GUCY1A2: variants seen among roughly 807,000 people sequenced by gnomAD.
GUCY1A2 encodes guanylate cyclase soluble subunit alpha-2.
A neutral mutation model predicts 63.5 loss-of-function variants in GUCY1A2; 27 were observed. The observed-to-expected ratio is 0.43, with a 90% confidence interval of 0.31 to 0.59. The LOEUF (loss-of-function observed/expected upper bound fraction) is 0.59, where lower values mean the gene tolerates loss of function less well. Ranked by LOEUF, GUCY1A2 falls within the 20% of genes least tolerant of loss-of-function variation. GUCY1A2 has a pLI of 0.11. For synonymous variants in GUCY1A2, 364 were observed against 343.5 expected, an observed-to-expected ratio of 1.06 and a Z score of -0.66; for missense variants, 768 against 913.3, an observed-to-expected ratio of 0.84 and a Z score of 2.05.
rs1862324754 is a variant in GUCY1A2 at position 106,675,211 on chromosome 11, T to C, written c.*12338A>G. On this transcript the variant is annotated 3_prime_UTR_variant, in exon 8 of 8. Coordinates refer to ENST00000526355, the MANE Select transcript of GUCY1A2 (RefSeq NM_000855.3). ...TGTCACTTAATTACCGAAGTTATAA[T>C]GTAGCTACAGGCAGCTGTTATAAAA... The C allele has an allele frequency of 4.9e-6, 1 of 205,844 alleles. No homozygotes were observed. The highest frequency in any genetic ancestry group is 9.9e-6 in the Non-Finnish European group (1 of 100,620). 12.8% of individuals were successfully genotyped at this position (205,844 alleles called of 1,614,324 possible). A position where few individuals can be genotyped will look rare whatever the true frequency, so the allele number is the denominator to read the frequency against.
intron 3 of GUCY1A2, among the ~76,000 whole-genome samples, chr11:106,948,854 T>A (rs1860865858): frequency 6.6e-6 from 1 of 152,096 alleles, no homozygotes; most frequent in Non-Finnish European, 1.5e-5. Flanking sequence ...TAAAATTAAA[T>A]CCCATCTCAT....
At chr11:106,816,053 C>T (rs943706808) in intron 4 of GUCY1A2, among the ~76,000 whole-genome samples, 5 of 150,770 alleles carry the variant, frequency 3.3e-5, no homozygotes, top group Non-Finnish European at 2.9e-5. Context: ...ACAGTAGCCA[C>T]AGAAAACTGA....
Position 106,708,619 on chromosome 11 carries a change from C to A in GUCY1A2, c.1884G>T (p.Gly628=). 2 of 1,611,986 alleles carry A rather than the reference C, an allele frequency of 1.2e-6. No homozygotes were observed. Among genetic ancestry groups the A allele is most frequent in the Non-Finnish European group, 8.5e-7 (1 of 1,178,842 alleles). The change falls in exon 7 of 8, where the codon GGG becomes GGT. Residue 628 remains glycine, a synonymous_variant. Coordinates refer to ENST00000526355, the MANE Select transcript of GUCY1A2 (RefSeq NM_000855.3). ...ACAGGCAATAACGTGGCATTCGCACCCCAACAACTCCAGCCAGCACGGAGC... is the reference window on the plus strand; with the variant it reads ...ACAGGCAATAACGTGGCATTCGCACACCAACAACTCCAGCCAGCACGGAGC... The part of the protein sequence containing the change: ...HSGSVLAGVV[G]VRMPRYCLFG...
rs1862488566 is a variant in GUCY1A2 at position 106,684,503 on chromosome 11, A to T, written c.*3046T>A. 5.2e-6 allele frequency: 1 copy of T among 192,530 alleles called. No individual in the cohort carries two copies. The highest frequency in any genetic ancestry group is 1.9e-4 in the South Asian group (1 of 5,160). 11.9% of individuals were successfully genotyped at this position (192,530 alleles called of 1,614,324 possible). On this transcript the variant is annotated 3_prime_UTR_variant, in exon 8 of 8. Transcript: ENST00000526355. ...CCACAAAGAAGATACAGGGTAGTAC[A>T]TTCTGAGTACATATTGGGGGATTCT...
Position 106,776,514 on chromosome 11 carries a change from T to A in GUCY1A2, c.1761A>T (p.Lys587Asn). The change falls in exon 6 of 8, where the codon AAA becomes AAT. Residue 587 changes from lysine to asparagine, a missense_variant. Physicochemically the swap from Lys to Asn is moderately conservative, Grantham distance 94. This residue lies in a region of GUCY1A2 where 150 missense variants were observed against 188.3 expected (regional missense o/e 0.80). Coordinates refer to ENST00000526355, the MANE Select transcript of GUCY1A2 (RefSeq NM_000855.3). ...GLHRKSLCHA[K>N]PIALMALKMM... ...TCTTCAAGGCCATCAGAGCAATGGG[T>A]TTAGCATGGCAGAGGCTTTTTCTGT... The A allele has an allele frequency of 1.9e-6, 3 of 1,613,480 alleles. No individual in the cohort carries two copies. The highest frequency in any genetic ancestry group is 2.5e-6 in the Non-Finnish European group (3 of 1,179,428).
Position 106,986,992 on chromosome 11 carries a change from T to C in GUCY1A2, c.304-861A>G, listed in dbSNP as rs985530497. Among the ~76,000 whole-genome samples, 11 of 152,172 alleles carry C rather than the reference T, an allele frequency of 7.2e-5. 1 individual carries two copies. Among genetic ancestry groups the C allele is most frequent in the African/African-American group, 2.2e-4 (9 of 41,450 alleles). ...TTGGAGTTTCAGACTTAGAGAGCCA[T>C]GAATGGGACACCAAGATCCTAGAAC... is the stretch of plus-strand genomic sequence containing the variant. On this transcript the variant is annotated intron_variant, in intron 1 of 7. Coordinates refer to ENST00000526355, the MANE Select transcript of GUCY1A2 (RefSeq NM_000855.3).
chr11:106,948,803 A>AT (rs774065057), intron 3 of GUCY1A2, among the ~76,000 whole-genome samples: 1 of 152,204 alleles, frequency 6.6e-6, no homozygotes, highest in African/African-American at 2.4e-5. Context: ...AGGGAAAAGA[A>AT]TGGTTTACTT....
At chr11:107,004,238 T>A (rs963939371) in intron 1 of GUCY1A2, among the ~76,000 whole-genome samples, 1 of 152,190 alleles carries the variant, frequency 6.6e-6, no homozygotes, top group Non-Finnish European at 1.5e-5. Context: ...GAAAGGCATA[T>A]GAGGTTTGGA....
chr11:106,882,121 A>G (rs1859832257), intron 4 of GUCY1A2, among the ~76,000 whole-genome samples: 1 of 151,430 alleles, frequency 6.6e-6, no homozygotes, highest in South Asian at 2.1e-4. Flanking sequence ...CACATTTTAT[A>G]TATTTTGCTG....
At chr11:106,998,739 C>T (rs1304048590) in intron 1 of GUCY1A2, among the ~76,000 whole-genome samples, 3 of 151,932 alleles carry the variant, frequency 2.0e-5, no homozygotes, top group Non-Finnish European at 4.4e-5. Context: ...ACAACATCAG[C>T]CCCATTTGGT....
intron 6 of GUCY1A2, among the ~76,000 whole-genome samples, chr11:106,753,553 G>A (rs982730094): frequency 3.9e-5 from 6 of 152,172 alleles, no homozygotes; most frequent in South Asian, 2.1e-4. Context: ...AAGGTGTAAG[G>A]AAGGGATCCA....
intron 4 of GUCY1A2, among the ~76,000 whole-genome samples, chr11:106,909,355 CTGTGTGTGTGTGTG>C (rs59067320): frequency 7.5e-5 from 9 of 119,974 alleles, no homozygotes; most frequent in Non-Finnish European, 1.4e-4. Context: ...TGGTACTCAT[CTGTGTGTGTGTGTG>C]TGTGTGTGTG....
In GUCY1A2 at chr11:106,952,350, T is replaced by C. The variant is rs147288798; in HGVS notation, c.488-12172A>G. Among the ~76,000 whole-genome samples the C allele has an allele frequency of 1.2e-3, 177 of 152,362 alleles. 2 individuals are homozygous for C. In the East Asian group the frequency reaches 0.029, roughly 25 times the overall value. On this transcript the variant is annotated intron_variant, in intron 3 of 7. Transcript: ENST00000526355. The stretch of plus-strand genomic sequence containing the variant: ...GGGCAGTATGGCTATTTTCACGATA[T>C]TGATTCTTCCTATCCACGAGGATGG...
chr11:106,957,315 C>A (rs1283947791), intron 3 of GUCY1A2, among the ~76,000 whole-genome samples: 1 of 151,824 alleles, frequency 6.6e-6, no homozygotes, highest in Non-Finnish European at 1.5e-5. Context: ...TCTTCTTCCC[C>A]CCTCCCCACC....
rs566896815 is a variant in GUCY1A2, at chr11:106,689,189, C to T, written c.1992-1433G>A. On this transcript the variant is annotated intron_variant, in intron 7 of 7. Transcript: ENST00000526355. ...AGGAGAAGAAGAAAATATTCCTCCT[C>T]GAATGCTATTAATGGATAGAAAATA... Among the ~76,000 whole-genome samples, 302 of 152,086 alleles carry T rather than the reference C, an allele frequency of 2.0e-3. 1 individual carries two copies. Among genetic ancestry groups the T allele is most frequent in the African/African-American group, 7.1e-3 (293 of 41,490 alleles).
At chr11:106,851,189 T>TTTTTG (rs1555040352) in intron 4 of GUCY1A2, among the ~76,000 whole-genome samples, 3 of 151,836 alleles carry the variant, frequency 2.0e-5, no homozygotes, top group Non-Finnish European at 4.4e-5. Flanking sequence ...AATGGGTTTT[T>TTTTTG]TTTTGTTTTG....
chr11:106,865,767 T>C (rs1859583684), intron 4 of GUCY1A2, among the ~76,000 whole-genome samples: 1 of 151,834 alleles, frequency 6.6e-6, no homozygotes, highest in African/African-American at 2.4e-5. Flanking sequence ...ACCTGCATAT[T>C]GTGCATATGC....
chr11:106,894,568 A>G (rs1385876317), intron 4 of GUCY1A2, among the ~76,000 whole-genome samples: 2 of 152,214 alleles, frequency 1.3e-5, no homozygotes, highest in Non-Finnish European at 2.9e-5. Context: ...ACACTTTAAC[A>G]AATTCAAAAG....
chr11:106,903,835 T>A (rs184832480), intron 4 of GUCY1A2, among the ~76,000 whole-genome samples: 1 of 152,152 alleles, frequency 6.6e-6, no homozygotes, highest in Non-Finnish European at 1.5e-5. Context: ...CTTGTAAGAA[T>A]AGTAGCAACA....
Sources: gnomAD v4.1 joint callset for allele counts (sites outside exome capture counted in the v4.1 genomes callset) on GRCh38, gnomAD v4.1.1 for gene constraint, gnomAD v4.1.1 regional missense constraint, MANE v1.5 for transcripts, NCBI Gene and HGNC (gene_info 2026-07-23, HGNC 2026-07-21) for gene names.